FAM217A: variants seen among roughly 807,000 people sequenced by gnomAD.
FAM217A encodes protein FAM217A.
Under a neutral mutation model 18.5 loss-of-function variants are expected in FAM217A, and 13 were observed. The observed-to-expected ratio is 0.70, with a 90% CI of 0.46 to 1.12. The LOEUF (loss-of-function observed/expected upper bound fraction) is 1.12. Among genes scored for constraint, FAM217A ranks in the 50% most tolerant of loss-of-function variants. The pLI, the probability that FAM217A is intolerant of heterozygous loss-of-function variation, is 0.00. For synonymous variants in FAM217A, 161 were observed against 202.8 expected (o/e 0.79, Z 1.75); for missense variants, 560 against 575.4 (o/e 0.97, Z 0.27).
In FAM217A at chr6:4,079,100, T is replaced by G. The variant is rs7756630; in HGVS notation, c.-283A>C. 141,479 of 351,350 alleles carry G rather than the reference T, an allele frequency of 0.4. 33,220 individuals are homozygous for G. The highest frequency in any genetic ancestry group is 0.81 in the African/African-American group (37,802 of 46,466). The allele number at this position is 351,350 out of a possible 1,614,324, so 21.8% of individuals were successfully genotyped here. A position where few individuals can be genotyped will look rare whatever the true frequency, so the allele number is the denominator to read the frequency against. Reference sequence around the variant, plus strand: ...TCGGGCCCGGGGCCCAGAGAGACCTTCCGGGGCCGGGGCTGCGGCTCCGCG... The same window carrying G: ...TCGGGCCCGGGGCCCAGAGAGACCTGCCGGGGCCGGGGCTGCGGCTCCGCG... On this transcript the variant is annotated 5_prime_UTR_variant, in exon 1 of 7. Coordinates refer to ENST00000274673, the MANE Select transcript of FAM217A (RefSeq NM_173563.3).
upstream of FAM217A, among the ~76,000 whole-genome samples, chr6:4,083,557 CTTTT>C (rs71001554): frequency 7.2e-6 from 1 of 139,850 alleles, no homozygotes; most frequent in East Asian, 2.1e-4. Context: ...CTTTTCTTTT[CTTTT>C]TTTTTTTTGA....
chr6:4,086,756 G>C (rs1429242979), intron 1 of FAM217A, among the ~76,000 whole-genome samples: 1 of 152,178 alleles, frequency 6.6e-6, no homozygotes, highest in Non-Finnish European at 1.5e-5. Context: ...TCTAAAAGTA[G>C]CTGTAACAAA....
chr6:4,074,401 G>T (rs201819361), intron 4 of FAM217A, 42 bp downstream of exon 4: 2 of 1,499,408 alleles, frequency 1.3e-6, no homozygotes, highest in Non-Finnish European at 1.8e-6. Flanking sequence ...TTTTAAAATC[G>T]TATGTTTTAT....
chr6:4,068,543 C>G lies in FAM217A; in HGVS notation c.*153G>C. ...TTTATATATAGACATCTCAGCAGTG[C>G]TTTTCACAAGTTCTACTCCATATCA... On this transcript the variant is annotated 3_prime_UTR_variant, in exon 7 of 7. Transcript: ENST00000274673. 1 of 752,044 alleles carries G rather than the reference C, an allele frequency of 1.3e-6. No individual in the cohort carries two copies. Among genetic ancestry groups the G allele is most frequent in the Non-Finnish European group, 2.1e-6 (1 of 483,220 alleles). 46.6% of individuals were successfully genotyped at this position (752,044 alleles called of 1,614,324 possible). A position where few individuals can be genotyped will look rare whatever the true frequency, so the allele number is the denominator to read the frequency against.
chr6:4,069,186 A>G lies in FAM217A; in HGVS notation c.1037T>C (p.Val346Ala). The G allele has an allele frequency of 6.2e-7, 1 of 1,614,034 alleles. No homozygotes were observed. The highest frequency in any genetic ancestry group is 8.5e-7 in the Non-Finnish European group (1 of 1,180,002). ...CDSLSLQIPC[V>A]DKSQEKSKNN... ...TTTACTTTTTTCTTGACTTTTATCTACACAAGGTATCTGAAGACTCAAAGA... is the reference window on the plus strand; with the variant it reads ...TTTACTTTTTTCTTGACTTTTATCTGCACAAGGTATCTGAAGACTCAAAGA... Residue 346 changes from valine (V) to alanine (A), a missense_variant, in exon 7 of 7, where the codon GTA (valine) becomes GCA (alanine). Coordinates refer to ENST00000274673, the MANE Select transcript of FAM217A (RefSeq NM_173563.3).
chr6:4,069,183 T>C lies in FAM217A; in HGVS notation c.1040A>G (p.Asp347Gly), dbSNP rs1769225074. ...DSLSLQIPCVDKSQEKSKNNS... is the reference protein window; with the variant it reads ...DSLSLQIPCVGKSQEKSKNNS... The stretch of plus-strand genomic sequence containing the variant: ...GTTTTTACTTTTTTCTTGACTTTTA[T>C]CTACACAAGGTATCTGAAGACTCAA... The change falls in exon 7 of 7, where the codon GAT becomes GGT. Residue 347 changes from aspartate to glycine, a missense_variant. Transcript: ENST00000274673. 6.2e-7 allele frequency: 1 copy of C among 1,613,806 alleles called. No homozygotes were observed. The highest frequency in any genetic ancestry group is 1.3e-5 in the African/African-American group (1 of 74,870).
In FAM217A at chr6:4,073,290, C is replaced by T. The variant is rs770659737; in HGVS notation, c.287G>A (p.Ser96Asn). Residue 96 changes from serine to asparagine, a missense_variant, in exon 6 of 7, where the codon AGT (serine) becomes AAT (asparagine). Coordinates refer to ENST00000274673, the MANE Select transcript of FAM217A (RefSeq NM_173563.3). ...ACTCGCTTACCTCTTCTCTATGGTA[C>T]TTCCTTCATTAAGAGGACAATTCCA... ...QLWNCPLNEG[S>N]TIEKREFKKS... 2 of 1,607,902 alleles carry T rather than the reference C, an allele frequency of 1.2e-6. No homozygotes were observed. The highest frequency in any genetic ancestry group is 1.7e-6 in the Non-Finnish European group (2 of 1,178,134).
chr6:4,079,282 C>G (rs1770094346), upstream of FAM217A: 1 of 159,774 alleles, frequency 6.3e-6, no homozygotes, highest in South Asian at 2.0e-4. Flanking sequence ...GCCGCCGGGC[C>G]CGCGGGACGC....
intron 2 of FAM217A, among the ~76,000 whole-genome samples, chr6:4,076,546 C>T (rs753129615): frequency 2.0e-5 from 3 of 152,118 alleles, no homozygotes; most frequent in Non-Finnish European, 2.9e-5. Context: ...GAAATATCCT[C>T]AGCTGATGAA....
intron 6 of FAM217A, 102 bp from the exon 7 acceptor site, chr6:4,070,022 TA>T (rs1289694650): frequency 1.2e-6 from 1 of 850,566 alleles, no homozygotes; most frequent in Non-Finnish European, 1.7e-6. Context: ...GGTTAATGTT[TA>T]GTTCCCAATG....
intron 4 of FAM217A, among the ~76,000 whole-genome samples, chr6:4,073,916 G>A (rs936433772): frequency 5.9e-5 from 9 of 152,080 alleles, no homozygotes; most frequent in Admixed American, 3.9e-4. Flanking sequence ...GCACGAACTC[G>A]GCTCACTGAA....
At chr6:4,073,634 A>G in intron 4 of FAM217A, 127 bp from the exon 5 acceptor site, 1 of 669,538 alleles carries the variant, frequency 1.5e-6, no homozygotes, top group South Asian at 2.8e-5. Context: ...GTTTATATAC[A>G]AAGAAATCAT....
At chr6:4,074,082 C>T (rs563851429) in intron 4 of FAM217A, among the ~76,000 whole-genome samples, 1 of 152,140 alleles carries the variant, frequency 6.6e-6, no homozygotes. Context: ...AAACTCCTGA[C>T]CTCAAGTGAT....
chr6:4,072,084 C>A (rs1239865416), intron 6 of FAM217A, among the ~76,000 whole-genome samples: 4 of 151,836 alleles, frequency 2.6e-5, no homozygotes, highest in African/African-American at 9.7e-5. Context: ...GGCTCACGCC[C>A]GTAATCCCAG....
upstream of FAM217A, among the ~76,000 whole-genome samples, chr6:4,080,277 C>T (rs975954919): frequency 1.3e-5 from 2 of 152,170 alleles, no homozygotes; most frequent in Non-Finnish European, 2.9e-5. Flanking sequence ...TCCCACCTTC[C>T]ACCTACCTTA....
upstream of FAM217A, among the ~76,000 whole-genome samples, chr6:4,079,913 G>T (rs6597028): frequency 0.27 from 38,865 of 146,660 alleles, 5,814 homozygotes; most frequent in African/African-American, 0.46. Context: ...TTTGTACCCC[G>T]AAATGCATAT....
chr6:4,076,068 G>A (rs907935661), intron 2 of FAM217A, among the ~76,000 whole-genome samples: 2 of 150,070 alleles, frequency 1.3e-5, no homozygotes, highest in African/African-American at 4.9e-5. Flanking sequence ...GGCTCAAGTG[G>A]CAGTAATCCC....
chr6:4,086,446 C>CAAAAAAAAA (rs60309347), intron 1 of FAM217A, among the ~76,000 whole-genome samples: 1 of 76,872 alleles, frequency 1.3e-5, no homozygotes, highest in Non-Finnish European at 2.8e-5. Context: ...AACTCTGTCT[C>CAAAAAAAAA]AAAAAAAAAA....
At chr6:4,086,446 CAAAAAAAAAA>C (rs60309347) in intron 1 of FAM217A, among the ~76,000 whole-genome samples, 52 of 76,884 alleles carry the variant, frequency 6.8e-4, no homozygotes, top group Non-Finnish European at 1.1e-3. Context: ...AACTCTGTCT[CAAAAAAAAAA>C]AAAAAAAAAA....
Sources: allele counts gnomAD v4.1 joint callset (sites outside exome capture counted in the v4.1 genomes callset), GRCh38; gene constraint gnomAD v4.1.1; transcripts MANE v1.5; gene names NCBI Gene and HGNC (gene_info 2026-07-23, HGNC 2026-07-21).